The following CPNE9 variants were observed in gnomAD, a reference collection of about 807,000 sequenced individuals.
The protein encoded by CPNE9 is copine-9.
In CPNE9, 59 loss-of-function variants were observed where a neutral mutation model predicts 83.0. That is an observed-to-expected ratio of 0.71 (90% CI 0.58 to 0.88). The LOEUF (loss-of-function observed/expected upper bound fraction) is 0.88, where lower values mean the gene tolerates loss of function less well. CPNE9 is among the 40% of genes least tolerant of loss of function. CPNE9 has a pLI of 0.00. For missense variants in CPNE9, 619 were observed against 720.8 expected (o/e 0.86, Z 1.62); for synonymous variants, 256 against 273.4 (o/e 0.94, Z 0.63).
In CPNE9 at chr3:9,713,093, T is replaced by A; in HGVS notation, c.650+14T>A. 6.2e-7 allele frequency: 1 copy of A among 1,600,572 alleles called. No individual in the cohort carries two copies. The highest frequency in any genetic ancestry group is 8.6e-7 in the Non-Finnish European group (1 of 1,167,956). On this transcript the variant is annotated intron_variant, in intron 10 of 20. Coordinates refer to ENST00000383832, the MANE Select transcript of CPNE9 (RefSeq NM_153635.3). ...AGACTATGACAGGTTGGCTCCAGCA[T>A]AAGCTGGGGAGTAAGGAGCCAAGGA...
At chr3:9,725,706 G>A (rs560436835) in intron 17 of CPNE9, among the ~76,000 whole-genome samples, 6 of 148,002 alleles carry the variant, frequency 4.1e-5, no homozygotes, top group East Asian at 2.0e-4. Flanking sequence ...GTGTATATAT[G>A]TGTATATATG....
At chr3:9,729,230 G>A (rs939687478) in intron 20 of CPNE9, among the ~76,000 whole-genome samples, 7 of 152,172 alleles carry the variant, frequency 4.6e-5, no homozygotes, top group African/African-American at 1.7e-4. Flanking sequence ...ACTGTTCACT[G>A]GACTGATTTA....
chr3:9,718,687 G>T, intron 17 of CPNE9, 85 bp downstream of exon 17: 1 of 1,510,068 alleles, frequency 6.6e-7, no homozygotes, highest in African/African-American at 1.4e-5. Flanking sequence ...AGCACTCTAA[G>T]TAATTTAGGA....
intron 4 of CPNE9, 45 bp from the exon 5 acceptor site, chr3:9,705,419 T>TA: frequency 7.8e-5 from 52 of 662,550 alleles, no homozygotes; most frequent in Non-Finnish European, 1.2e-4. Flanking sequence ...TTCCACCCTC[T>TA]CCCCCACCCA....
chr3:9,726,767 G>T, intron 19 of CPNE9, 45 bp downstream of exon 19: 1 of 1,568,086 alleles, frequency 6.4e-7, no homozygotes, highest in Non-Finnish European at 8.8e-7. Flanking sequence ...GAACTAAGGA[G>T]AAAAGTGGGA....
At chr3:9,705,843 C>A in intron 6 of CPNE9, 123 bp downstream of exon 6, 1 of 1,336,056 alleles carries the variant, frequency 7.5e-7, no homozygotes, top group Non-Finnish European at 1.1e-6. Flanking sequence ...ACACCCCCTC[C>A]ATTAAAGCCC....
At chr3:9,715,258 C>T in intron 11 of CPNE9, 31 bp from the exon 12 acceptor site, 6 of 1,606,140 alleles carry the variant, frequency 3.7e-6, no homozygotes, top group Middle Eastern at 1.7e-4. Flanking sequence ...CCAGCAGCAC[C>T]TGCTGCTTAG....
At chr3:9,705,419 T>TACCCCCCCCCCCCCC in intron 4 of CPNE9, 45 bp from the exon 5 acceptor site, 1 of 662,618 alleles carries the variant, frequency 1.5e-6, no homozygotes. Flanking sequence ...TTCCACCCTC[T>TACCCCCCCCCCCCCC]CCCCCACCCA....
intron 17 of CPNE9, among the ~76,000 whole-genome samples, chr3:9,722,912 C>T (rs2125474121): frequency 6.6e-6 from 1 of 151,606 alleles, no homozygotes; most frequent in East Asian, 1.9e-4. Context: ...ACCATCACCA[C>T]CTGGCTAAAC....
intron 11 of CPNE9, among the ~76,000 whole-genome samples, 166 bp from the exon 12 acceptor site, chr3:9,715,123 C>T (rs2076668265): frequency 1.3e-5 from 2 of 152,354 alleles, no homozygotes; most frequent in South Asian, 4.1e-4. Context: ...TCTCTGGACA[C>T]TGTCTCTTCC....
At chr3:9,721,850 C>G (rs1021566430) in intron 17 of CPNE9, among the ~76,000 whole-genome samples, 1 of 152,128 alleles carries the variant, frequency 6.6e-6, no homozygotes, top group African/African-American at 2.4e-5. Flanking sequence ...TTCATAACCC[C>G]TTGGGGATGT....
chr3:9,724,579 G>T (rs1400034880), intron 17 of CPNE9, among the ~76,000 whole-genome samples: 1 of 152,160 alleles, frequency 6.6e-6, no homozygotes, highest in African/African-American at 2.4e-5. Context: ...CAGGGGAGTT[G>T]TTCTTTAGTC....
Position 9,708,692 on chromosome 3 carries a change from G to GT in CPNE9, c.377+2629_377+2630insT, listed in dbSNP as rs1553689237. ...TCTGTCACCCAGCTGGAGTGCAGTG[G>GT]GGAGATCTCGGCTCACTGCAAGCTC... On this transcript the variant is annotated intron_variant, in intron 7 of 20. Transcript: ENST00000383832. Among the ~76,000 whole-genome samples, 142 of 151,624 alleles carry GT rather than the reference G, an allele frequency of 9.4e-4. 2 individuals are homozygous for GT. Among genetic ancestry groups the GT allele is most frequent in the Non-Finnish European group, 2.7e-4 (18 of 67,902 alleles).
At position 9,712,573 on chromosome 3, in the gene CPNE9, T is replaced by G. The variant is rs868309814; in HGVS notation, c.410T>G (p.Leu137Trp). ...CCAGGCAAGAAGTGTGGGACCATAT[T>G]GCTGACTGCAGAAGAGCTTAGCAAT... Reference protein sequence around the residue: ...GVPGKKCGTILLTAEELSNCR... With the variant: ...GVPGKKCGTIWLTAEELSNCR... The change falls in exon 8 of 21, where the codon TTG becomes TGG. Residue 137 changes from leucine to tryptophan, a missense_variant. Around this residue, in one of 3 missense-constraint regions of CPNE9, gnomAD observed 438 missense variants for 562.9 expected, o/e 0.78. Coordinates refer to ENST00000383832, the MANE Select transcript of CPNE9 (RefSeq NM_153635.3). 3.7e-6 allele frequency: 6 copies of G among 1,614,036 alleles called. No homozygotes were observed. The highest frequency in any genetic ancestry group is 1.6e-4 in the Middle Eastern group (1 of 6,084).
At chr3:9,711,185 C>T (rs1225502018) in intron 7 of CPNE9, among the ~76,000 whole-genome samples, 6 of 152,030 alleles carry the variant, frequency 3.9e-5, no homozygotes, top group Non-Finnish European at 8.8e-5. Flanking sequence ...ATTTGTTGGT[C>T]CTGGATGTGC....
Position 9,729,871 on chromosome 3 carries a change from C to A in CPNE9, c.*179C>A. 1.3e-6 allele frequency: 1 copy of A among 768,046 alleles called. No individual in the cohort carries two copies. Among genetic ancestry groups the A allele is most frequent in the South Asian group, 2.4e-5 (1 of 42,264 alleles). 47.6% of individuals were successfully genotyped at this position (768,046 alleles called of 1,614,324 possible). On this transcript the variant is annotated 3_prime_UTR_variant, in exon 21 of 21. Coordinates refer to ENST00000383832, the MANE Select transcript of CPNE9 (RefSeq NM_153635.3). Reference sequence around the variant, plus strand: ...AGGGCCTGGCACTATCACCACCTCTCTGCCTTCATGCCAATAATAAAGCTG... The same window carrying A: ...AGGGCCTGGCACTATCACCACCTCTATGCCTTCATGCCAATAATAAAGCTG...
At chr3:9,708,764 C>A (rs2076589021) in intron 7 of CPNE9, among the ~76,000 whole-genome samples, 1 of 151,932 alleles carries the variant, frequency 6.6e-6, no homozygotes, top group African/African-American at 2.4e-5. Flanking sequence ...TCCGGAGTAG[C>A]TGGGACTACA....
chr3:9,728,303 C>T (rs894145620), intron 20 of CPNE9, among the ~76,000 whole-genome samples: 4 of 152,174 alleles, frequency 2.6e-5, no homozygotes, highest in African/African-American at 9.7e-5. Flanking sequence ...GCCTGGACAA[C>T]ATAGCAAGAC....
chr3:9,707,301 T>C (rs467774), intron 7 of CPNE9, among the ~76,000 whole-genome samples: 69,998 of 141,566 alleles, frequency 0.49, 17,640 homozygotes, highest in African/African-American at 0.6. Context: ...TGCAGTGAGC[T>C]GAGATTGTGC....
Sources: allele counts gnomAD v4.1 joint callset (sites outside exome capture counted in the v4.1 genomes callset), GRCh38; gene constraint gnomAD v4.1.1; regional missense constraint gnomAD v4.1.1; transcripts MANE v1.5; gene names NCBI Gene and HGNC (gene_info 2026-07-23, HGNC 2026-07-21).